ABCA13: variants seen among roughly 807,000 people sequenced by gnomAD.
The protein encoded by ABCA13 is ATP-binding cassette sub-family A member 13.
In ABCA13, 476 loss-of-function variants were observed where a neutral mutation model predicts 478.7. The observed-to-expected ratio is 0.99, with a 90% CI of 0.92 to 1.07. The LOEUF is 1.07. ABCA13 is among the 50% of genes least tolerant of loss of function. The probability of loss-of-function intolerance (pLI) is 0.00; values close to 1 mark genes in which losing one functional copy is unlikely to be tolerated. For missense variants in ABCA13, 6,060 were observed against 5,910.6 expected (o/e 1.03, Z -0.83); for synonymous variants, 2,252 against 2,158.9 (o/e 1.04, Z -1.20).
intron 30 of ABCA13, 52 bp downstream of exon 30, chr7:48,350,871 TGTC>T: frequency 6.4e-7 from 1 of 1,557,314 alleles, no homozygotes; most frequent in Non-Finnish European, 8.7e-7. Context: ...TCCTGTAAGT[TGTC>T]ATTTTGGGAG....
intron 3 of ABCA13, among the ~76,000 whole-genome samples, chr7:48,217,122 A>G (rs1786602428): frequency 6.6e-6 from 1 of 152,250 alleles, no homozygotes; most frequent in South Asian, 2.1e-4. Flanking sequence ...TCATTATATT[A>G]AAAAGATACC....
chr7:48,440,595 G>A (rs1387390860), intron 42 of ABCA13, among the ~76,000 whole-genome samples: 2 of 151,918 alleles, frequency 1.3e-5, no homozygotes, highest in Non-Finnish European at 2.9e-5. Flanking sequence ...AAAAATATTA[G>A]TTAACTTTTA....
Position 48,580,205 on chromosome 7 carries a change from G to T in ABCA13, c.14355-19G>T, listed in dbSNP as rs777423972. 8.1e-6 allele frequency: 13 copies of T among 1,595,990 alleles called. No individual in the cohort carries two copies. Among genetic ancestry groups the T allele is most frequent in the Middle Eastern group, 1.7e-4 (1 of 5,976 alleles). On this transcript the variant is annotated intron_variant, in intron 55 of 61. Coordinates refer to ENST00000435803, the MANE Select transcript of ABCA13 (RefSeq NM_152701.5). ...TTTGGGAAACTGCTGTTCTCAGCCT[G>T]TGCTGCTTCTCTCTGCAGAGACGCC...
chr7:48,317,629 A>G (rs1802789733), intron 27 of ABCA13, among the ~76,000 whole-genome samples: 1 of 152,230 alleles, frequency 6.6e-6, no homozygotes, highest in Non-Finnish European at 1.5e-5. Flanking sequence ...CTTCGAGAAC[A>G]AATGCTAATC....
chr7:48,346,165 C>T (rs182374634), intron 29 of ABCA13, among the ~76,000 whole-genome samples: 139 of 152,172 alleles, frequency 9.1e-4, no homozygotes, highest in Non-Finnish European at 1.2e-3. Context: ...CTTTTTATGC[C>T]GCATTTCTCA....
intron 31 of ABCA13, among the ~76,000 whole-genome samples, chr7:48,360,729 G>C (rs1299018010): frequency 6.6e-6 from 1 of 152,006 alleles, no homozygotes; most frequent in Non-Finnish European, 1.5e-5. Context: ...CTTGCCAAGA[G>C]TTAGCCTGAA....
intron 3 of ABCA13, among the ~76,000 whole-genome samples, chr7:48,206,373 G>A (rs1784919112): frequency 6.6e-6 from 1 of 152,200 alleles, no homozygotes. Flanking sequence ...GTACAGGTGT[G>A]TAGGCTAAGA....
At chr7:48,269,147 T>C (rs1038547529) in intron 16 of ABCA13, 53 bp downstream of exon 16, 1 of 1,031,084 alleles carries the variant, frequency 9.7e-7, no homozygotes. Flanking sequence ...CATCTGAAGA[T>C]AATCAAAACC....
At chr7:48,480,977 G>C in intron 45 of ABCA13, 59 bp from the exon 46 acceptor site, 1 of 1,107,162 alleles carries the variant, frequency 9.0e-7, no homozygotes, top group Admixed American at 2.0e-5. Flanking sequence ...AGTAATGTCA[G>C]TGAACCAGTT....
chr7:48,563,574 C>T (rs67249859), intron 55 of ABCA13, among the ~76,000 whole-genome samples: 21,047 of 151,980 alleles, frequency 0.14, 1,826 homozygotes, highest in African/African-American at 0.23. Flanking sequence ...TGGGACTTCT[C>T]TCAGAGACTT....
chr7:48,275,474 G>A lies in ABCA13; in HGVS notation c.5808G>A (p.Arg1936=). Residue 1936 remains arginine (R), a synonymous_variant, in exon 17 of 62, where the codon AGG becomes AGA. Coordinates refer to ENST00000435803, the MANE Select transcript of ABCA13 (RefSeq NM_152701.5). ...PFVPPSINQT[R]DSISELCPSG... ...TCCCACCTTCAATAAATCAAACTAG[G>A]GATAGCATCTCTGAACTCTGTCCTA... The A allele has an allele frequency of 6.2e-7, 1 of 1,613,780 alleles. No homozygotes were observed. The highest frequency in any genetic ancestry group is 1.6e-4 in the Middle Eastern group (1 of 6,062).
chr7:48,212,553 A>G (rs1470997931), intron 3 of ABCA13, among the ~76,000 whole-genome samples: 3 of 152,242 alleles, frequency 2.0e-5, no homozygotes, highest in Non-Finnish European at 4.4e-5. Context: ...TACTCCCAAC[A>G]TCAATACATA....
rs1420407370 is a variant in ABCA13 at position 48,279,236 on chromosome 7, T to C, written c.8042T>C (p.Leu2681Ser). The change falls in exon 18 of 62, where the codon TTA (leucine) becomes TCA (serine). Residue 2681 changes from leucine (L) to serine (S), a missense_variant. Leu to Ser is a moderately radical substitution (Grantham distance 145, BLOSUM62 -2). This residue lies in a region of ABCA13 where 4,423 missense variants were observed against 4,309.1 expected (regional missense o/e 1.03). Coordinates refer to ENST00000435803, the MANE Select transcript of ABCA13 (RefSeq NM_152701.5). The part of the protein sequence containing the change: ...VNLREEILGC[L>S]VPINNITNQM... ...TTACGGGAAGAAATTCTGGGTTGCT[T>C]AGTTCCTATAAATAACATCACCAAC... The C allele has an allele frequency of 6.3e-7, 1 of 1,589,390 alleles. No homozygotes were observed.
chr7:48,594,010 T>G (rs1051543267), intron 57 of ABCA13, among the ~76,000 whole-genome samples: 5 of 152,114 alleles, frequency 3.3e-5, no homozygotes, highest in African/African-American at 1.2e-4. Flanking sequence ...GTTTGATTAT[T>G]GCGTATCTCA....
At chr7:48,384,301 G>A (rs765340171) in intron 35 of ABCA13, among the ~76,000 whole-genome samples, 11 of 152,214 alleles carry the variant, frequency 7.2e-5, no homozygotes, top group Non-Finnish European at 1.3e-4. Context: ...GGGGCTTTTC[G>A]TGTAATTGGT....
chr7:48,580,743 T>C lies in ABCA13; in HGVS notation c.14505+369T>C, dbSNP rs538901013. ...ATCACAAACTCTGTATTTTCAGGGC[T>C]TGTGAAAGTGTGGGCACAAATTATG... On this transcript the variant is annotated intron_variant, in intron 56 of 61. Coordinates refer to ENST00000435803, the MANE Select transcript of ABCA13 (RefSeq NM_152701.5). Among the ~76,000 whole-genome samples the C allele has an allele frequency of 2.0e-5, 3 of 152,290 alleles. No homozygotes were observed. The South Asian group carries it at 6.2e-4, about 32-fold the overall frequency.
intron 25 of ABCA13, 88 bp from the exon 26 acceptor site, chr7:48,314,144 T>C (rs1296996444): frequency 7.4e-7 from 1 of 1,359,738 alleles, no homozygotes; most frequent in South Asian, 1.3e-5. Flanking sequence ...GTACATTCAG[T>C]GGAGGAAGGA....
intron 38 of ABCA13, among the ~76,000 whole-genome samples, chr7:48,402,740 A>C: frequency 6.6e-6 from 1 of 152,182 alleles, no homozygotes; most frequent in Non-Finnish European, 1.5e-5. Flanking sequence ...CTTGAAGCTC[A>C]ACTGTCTGGA....
rs1418744431 is a variant in ABCA13, at chr7:48,309,995, G to A, written c.9370G>A (p.Glu3124Lys). The A allele has an allele frequency of 1.2e-6, 2 of 1,613,994 alleles. No homozygotes were observed. The highest frequency in any genetic ancestry group is 1.7e-6 in the Non-Finnish European group (2 of 1,179,854). The change falls in exon 24 of 62, where the codon GAA becomes AAA. Residue 3124 changes from glutamate to lysine, a missense_variant. Glu to Lys is a moderately conservative substitution (Grantham distance 56). This residue lies in a region of ABCA13 where 4,423 missense variants were observed against 4,309.1 expected (regional missense o/e 1.03). Transcript: ENST00000435803. ...TVALSGKCDQEILHLLLTFPK... is the reference protein window; with the variant it reads ...TVALSGKCDQKILHLLLTFPK... ...AGCTCTGTCTGGAAAGTGTGATCAG[G>A]AAATCCTTCATCTCCTGCTGACATT... is the stretch of plus-strand genomic sequence containing the variant.
Sources: allele counts gnomAD v4.1 joint callset (sites outside exome capture counted in the v4.1 genomes callset), GRCh38; gene constraint gnomAD v4.1.1; regional missense constraint gnomAD v4.1.1; transcripts MANE v1.5; gene names NCBI Gene and HGNC (gene_info 2026-07-23, HGNC 2026-07-21).